MYO10: variants seen among roughly 807,000 people sequenced by gnomAD.
The protein encoded by MYO10 is myosin X.
A neutral mutation model predicts 257.3 loss-of-function variants in MYO10; 133 were observed. The ratio of observed to expected loss-of-function variants is 0.52; its 90% confidence interval spans 0.45 to 0.60. MYO10 has a LOEUF of 0.60. MYO10 is among the 20% of genes least tolerant of loss of function. The pLI, the probability that MYO10 is intolerant of heterozygous loss-of-function variation, is 0.00. For synonymous variants in MYO10, 1,104 were observed against 1,028.6 expected, an observed-to-expected ratio of 1.07 and a Z score of -1.40; for missense variants, 2,399 against 2,635.7, an observed-to-expected ratio of 0.91 and a Z score of 1.97.
chr5:16,847,880 T>C (rs557193207), intron 2 of MYO10, among the ~76,000 whole-genome samples: 116 of 152,214 alleles, frequency 7.6e-4, no homozygotes, highest in African/African-American at 2.6e-3. Flanking sequence ...CTGGGCAACA[T>C]AGCAAGACCC....
At chr5:16,720,675 G>C (rs1328655265) in intron 19 of MYO10, among the ~76,000 whole-genome samples, 1 of 152,096 alleles carries the variant, frequency 6.6e-6, no homozygotes, top group Non-Finnish European at 1.5e-5. Context: ...AGCCAGGATG[G>C]TCTCCACCTC....
At chr5:16,806,172 C>A (rs1215023272) in intron 3 of MYO10, among the ~76,000 whole-genome samples, 2 of 151,570 alleles carry the variant, frequency 1.3e-5, no homozygotes, top group Non-Finnish European at 2.9e-5. Context: ...TGGCAAAACC[C>A]CATCTCTATT....
At chr5:16,683,988 A>C in intron 29 of MYO10, 53 bp from the exon 30 acceptor site, 1 of 1,535,218 alleles carries the variant, frequency 6.5e-7, no homozygotes, top group East Asian at 2.3e-5. Context: ...AGTAGGGTGC[A>C]CACTACAGTA....
chr5:16,907,992 G>A (rs1745560768), intron 1 of MYO10, among the ~76,000 whole-genome samples: 1 of 152,220 alleles, frequency 6.6e-6, no homozygotes, highest in Admixed American at 6.5e-5. Context: ...CAACACTTTG[G>A]GAGGCCAAGG....
chr5:16,843,128 A>G (rs1010666942), intron 2 of MYO10, among the ~76,000 whole-genome samples: 3 of 151,954 alleles, frequency 2.0e-5, no homozygotes, highest in African/African-American at 7.2e-5. Context: ...CCATTCCCTG[A>G]CAGGCCTCGA....
chr5:16,754,919 A>AAAG lies in MYO10; in HGVS notation c.1849-12_1849-11insCTT. The AAAG allele has an allele frequency of 6.5e-7, 1 of 1,540,712 alleles. No homozygotes were observed. Among genetic ancestry groups the AAAG allele is most frequent in the African/African-American group, 1.4e-5 (1 of 70,458 alleles). Reference sequence around the variant, plus strand: ...GGAATGCAGTGAGTCCTATTAGAAAAAGTATATGTTGATTTAGTCTCTTAT... The same window carrying AAAG: ...GGAATGCAGTGAGTCCTATTAGAAAAAAGAGTATATGTTGATTTAGTCTCTTAT... On this transcript the variant is annotated splice_polypyrimidine_tract_variant and intron_variant, in intron 18 of 40. Transcript: ENST00000513610.
In MYO10 at chr5:16,783,460, A is replaced by C; in HGVS notation, c.477T>G (p.Ser159Arg). The change falls in exon 5 of 41, where the codon AGT becomes AGG. Residue 159 changes from serine to arginine, a missense_variant. Ser to Arg is a moderately radical substitution (Grantham distance 110, BLOSUM62 -1). This residue lies in a region of MYO10 where 242 missense variants were observed against 249.5 expected (regional missense o/e 0.97). Transcript: ENST00000513610. ...TAGTGCTTTCGGTTTTACCTGCCCC[A>C]CTTTCACCACTGAAAGACAAAACGG... ...DNQCILISGE[S>R]GAGKTESTKL... 6.2e-7 allele frequency: 1 copy of C among 1,608,780 alleles called. No individual in the cohort carries two copies. Among genetic ancestry groups the C allele is most frequent in the Non-Finnish European group, 8.5e-7 (1 of 1,178,386 alleles).
chr5:16,784,753 G>A (rs1334378061), intron 4 of MYO10, among the ~76,000 whole-genome samples: 8 of 152,158 alleles, frequency 5.3e-5, no homozygotes, highest in Non-Finnish European at 7.3e-5. Flanking sequence ...GAGCTGGGAC[G>A]TTATCAAGAA....
chr5:16,787,275 G>A (rs17541774), intron 4 of MYO10, among the ~76,000 whole-genome samples: 9,623 of 152,200 alleles, frequency 0.063, 387 homozygotes, highest in Non-Finnish European at 0.099. Context: ...CAGGAGGTAA[G>A]TGGTGTCTAC....
intron 19 of MYO10, among the ~76,000 whole-genome samples, chr5:16,748,452 C>T (rs1740277126): frequency 6.6e-6 from 1 of 151,948 alleles, no homozygotes; most frequent in South Asian, 2.1e-4. Flanking sequence ...ACCACGTTGG[C>T]CAGGCTGGTC....
At chr5:16,713,313 A>C (rs182023505) in intron 19 of MYO10, 1 of 985,800 alleles carries the variant, frequency 1.0e-6, no homozygotes, top group Admixed American at 6.1e-5. Flanking sequence ...CCATCCAAAA[A>C]GTTCAGCCAC....
intron 3 of MYO10, among the ~76,000 whole-genome samples, chr5:16,810,870 C>T (rs574896680): frequency 1.3e-5 from 2 of 152,114 alleles, no homozygotes; most frequent in African/African-American, 4.8e-5. Flanking sequence ...CAGTTCGAGA[C>T]CAGCCTGGCC....
At chr5:16,928,567 C>T (rs371577109) in intron 1 of MYO10, among the ~76,000 whole-genome samples, 8 of 151,934 alleles carry the variant, frequency 5.3e-5, no homozygotes, top group Non-Finnish European at 1.2e-4. Context: ...CTTTATGGGC[C>T]GGGCATGACG....
chr5:16,849,782 A>G (rs1266714272), intron 2 of MYO10, among the ~76,000 whole-genome samples: 2 of 152,182 alleles, frequency 1.3e-5, no homozygotes, highest in Non-Finnish European at 2.9e-5. Context: ...AAATCAATGT[A>G]TTTTGTTCTT....
intron 3 of MYO10, among the ~76,000 whole-genome samples, chr5:16,796,378 AAAG>A (rs1170904014): frequency 1.3e-5 from 2 of 150,060 alleles, no homozygotes; most frequent in African/African-American, 2.5e-5. Flanking sequence ...AAGAAAAAGA[AAAG>A]AACAGAACAC....
intron 1 of MYO10, among the ~76,000 whole-genome samples, chr5:16,919,968 G>A (rs1236359066): frequency 6.6e-6 from 1 of 152,140 alleles, no homozygotes; most frequent in Non-Finnish European, 1.5e-5. Context: ...AAAATTATCT[G>A]GACATGGTGA....
At chr5:16,684,905 G>C (rs948499600) in intron 29 of MYO10, among the ~76,000 whole-genome samples, 1 of 152,030 alleles carries the variant, frequency 6.6e-6, no homozygotes, top group Non-Finnish European at 1.5e-5. Flanking sequence ...AAATTAGCCG[G>C]GTGTGGCGGC....
Position 16,812,134 on chromosome 5 carries a change from G to A in MYO10, c.279+5875C>T, listed in dbSNP as rs578194902. 1.9e-3 allele frequency among the ~76,000 whole-genome samples: 284 copies of A among 152,296 alleles called. 2 individuals carry two copies. Among genetic ancestry groups the A allele is most frequent in the African/African-American group, 6.4e-3 (265 of 41,576 alleles). The stretch of plus-strand genomic sequence containing the variant: ...AACCCATAGCCAAGAGGTTCAGGGT[G>A]GAAACCTGGGGCCCCTGGCTGGGAA... On this transcript the variant is annotated intron_variant, in intron 3 of 40. Coordinates refer to ENST00000513610, the MANE Select transcript of MYO10 (RefSeq NM_012334.3).
intron 2 of MYO10, among the ~76,000 whole-genome samples, chr5:16,841,133 G>A (rs951600844): frequency 6.7e-6 from 1 of 149,788 alleles, no homozygotes; most frequent in Non-Finnish European, 1.5e-5. Flanking sequence ...CAACAAGAGC[G>A]GAAATGCATC....
Sources: allele counts gnomAD v4.1 joint callset (sites outside exome capture counted in the v4.1 genomes callset), GRCh38; gene constraint gnomAD v4.1.1; regional missense constraint gnomAD v4.1.1; transcripts MANE v1.5; gene names NCBI Gene and HGNC (gene_info 2026-07-23, HGNC 2026-07-21).